Variants in KIF26B observed in about 807,000 individuals in gnomAD.
KIF26B encodes the protein kinesin-like protein KIF26B.
A neutral mutation model predicts 151.2 loss-of-function variants in KIF26B; 63 were observed. The observed-to-expected ratio is 0.42, with a 90% CI of 0.34 to 0.51. The LOEUF (loss-of-function observed/expected upper bound fraction) is 0.51, where lower values mean the gene tolerates loss of function less well. Ranked by LOEUF, KIF26B falls within the 20% of genes least tolerant of loss-of-function variation. KIF26B has a pLI of 0.07. For missense variants in KIF26B, 2,813 were observed against 2,913.6 expected (o/e 0.97, Z 0.79); for synonymous variants, 1,357 against 1,262.1 (o/e 1.08, Z -1.59).
At chr1:245,186,117 C>T (rs1466606145) in intron 2 of KIF26B, among the ~76,000 whole-genome samples, 11 of 152,168 alleles carry the variant, frequency 7.2e-5, no homozygotes, top group African/African-American at 2.4e-4. Flanking sequence ...TCGTGATCCA[C>T]CCACCTTGGT....
chr1:245,703,398 T>G lies in KIF26B; in HGVS notation c.*792T>G, dbSNP rs111651140. ...TCAGGTAGACCCAGAAGGTTGATTG[T>G]GGGGCAGGTGCTTTAGAGAACAGGT... On this transcript the variant is annotated 3_prime_UTR_variant, in exon 15 of 15. Coordinates refer to ENST00000407071, the MANE Select transcript of KIF26B (RefSeq NM_018012.4). The G allele has an allele frequency of 6.6e-6, 1 of 152,138 alleles. No homozygotes were observed. The highest frequency in any genetic ancestry group is 6.5e-5 in the Admixed American group (1 of 15,270). The allele number at this position is 152,138 out of a possible 1,614,324, so 9.4% of individuals were successfully genotyped here. A position where few individuals can be genotyped will look rare whatever the true frequency, so the allele number is the denominator to read the frequency against.
At chr1:245,672,376 C>G (rs556678197) in intron 10 of KIF26B, among the ~76,000 whole-genome samples, 1 of 152,188 alleles carries the variant, frequency 6.6e-6, no homozygotes, top group Non-Finnish European at 1.5e-5. Flanking sequence ...CAGGGACAGA[C>G]GTGCGCATGA....
chr1:245,195,641 G>A (rs1669177889), intron 2 of KIF26B, among the ~76,000 whole-genome samples: 1 of 152,196 alleles, frequency 6.6e-6, no homozygotes, highest in African/African-American at 2.4e-5. Flanking sequence ...TCAGGGCCGG[G>A]GGAAGGAGGC....
At chr1:245,476,439 TC>T (rs1418224391) in intron 4 of KIF26B, among the ~76,000 whole-genome samples, 1 of 151,806 alleles carries the variant, frequency 6.6e-6, no homozygotes, top group African/African-American at 2.4e-5. Context: ...AATTTTAAAA[TC>T]CAATGAAGGG....
At chr1:245,285,998 TAAA>T (rs34582895) in intron 2 of KIF26B, among the ~76,000 whole-genome samples, 3 of 110,772 alleles carry the variant, frequency 2.7e-5, no homozygotes, top group Non-Finnish European at 3.7e-5. Flanking sequence ...ACCCTCTCTC[TAAA>T]AAAAAAAAAA....
chr1:245,579,659 AAAC>A (rs1207742721), intron 5 of KIF26B, among the ~76,000 whole-genome samples: 4 of 31,280 alleles, frequency 1.3e-4, no homozygotes, highest in East Asian at 1.3e-3. Context: ...AAAATACAAA[AAAC>A]AAACAAACAA....
intron 10 of KIF26B, among the ~76,000 whole-genome samples, chr1:245,655,318 G>C (rs1480103746): frequency 6.6e-6 from 1 of 152,208 alleles, no homozygotes; most frequent in East Asian, 1.9e-4. Flanking sequence ...AAGGCAGAAA[G>C]GTCACTGTTT....
At chr1:245,680,524 G>A (rs747110591) in intron 10 of KIF26B, among the ~76,000 whole-genome samples, 1 of 152,136 alleles carries the variant, frequency 6.6e-6, no homozygotes, top group South Asian at 2.1e-4. Flanking sequence ...GGGGAGTCGC[G>A]GAAATACACA....
chr1:245,366,125 A>C (rs538055555), intron 2 of KIF26B, among the ~76,000 whole-genome samples: 10 of 152,320 alleles, frequency 6.6e-5, no homozygotes, highest in Non-Finnish European at 1.3e-4. Flanking sequence ...ACCTCAGTGC[A>C]GTGGTCCAGA....
At chr1:245,205,271 T>A (rs1669379372) in intron 2 of KIF26B, among the ~76,000 whole-genome samples, 1 of 152,174 alleles carries the variant, frequency 6.6e-6, no homozygotes, top group African/African-American at 2.4e-5. Flanking sequence ...AGTGTATTGT[T>A]TTTGTAAATG....
At chr1:245,280,902 A>AT in intron 2 of KIF26B, among the ~76,000 whole-genome samples, 1 of 68,204 alleles carries the variant, frequency 1.5e-5, no homozygotes, top group South Asian at 5.8e-4. Context: ...ATGATTTCCA[A>AT]TTTCATCCAT....
chr1:245,427,290 C>T (rs1321446851), intron 4 of KIF26B, among the ~76,000 whole-genome samples: 3 of 152,128 alleles, frequency 2.0e-5, no homozygotes, highest in Admixed American at 2.0e-4. Context: ...GCACTGTTTC[C>T]ATTATGATAG....
At chr1:245,684,768 C>T (rs1005995032) in intron 11 of KIF26B, among the ~76,000 whole-genome samples, 5 of 152,220 alleles carry the variant, frequency 3.3e-5, no homozygotes, top group Admixed American at 6.5e-5. Flanking sequence ...CTGTGTCCTT[C>T]GAAGGCTTGG....
intron 4 of KIF26B, among the ~76,000 whole-genome samples, chr1:245,470,672 T>C (rs935328808): frequency 9.9e-5 from 15 of 151,916 alleles, no homozygotes; most frequent in Non-Finnish European, 1.8e-4. Context: ...CCTTGTGATC[T>C]GCCCGCCTCG....
intron 5 of KIF26B, among the ~76,000 whole-genome samples, chr1:245,578,758 G>A (rs373212589): frequency 2.0e-5 from 3 of 152,286 alleles, no homozygotes; most frequent in South Asian, 2.1e-4. Context: ...TCTATAGCTC[G>A]TAAGGTCCAC....
At chr1:245,605,296 A>C (rs1397710388) in intron 6 of KIF26B, among the ~76,000 whole-genome samples, 2 of 152,218 alleles carry the variant, frequency 1.3e-5, no homozygotes, top group Non-Finnish European at 2.9e-5. Context: ...GCTGCTGGCC[A>C]GGGCAAACTC....
rs190007325 is a variant in KIF26B, at chr1:245,574,641, C to T, written c.1351-27936C>T. 1.9e-4 allele frequency among the ~76,000 whole-genome samples: 29 copies of T among 152,182 alleles called. 1 individual carries two copies. The East Asian group carries it at 3.9e-3, about 20-fold the overall frequency. On this transcript the variant is annotated intron_variant, in intron 5 of 14. Transcript: ENST00000407071. The stretch of plus-strand genomic sequence containing the variant: ...CTGCCCCTCAAGTCCATGGCAGGGC[C>T]GTTGACTGCTGCTCTTGCCTGAGTC...
intron 2 of KIF26B, among the ~76,000 whole-genome samples, chr1:245,243,027 A>C (rs535523217): frequency 6.6e-6 from 1 of 152,230 alleles, no homozygotes; most frequent in South Asian, 2.1e-4. Flanking sequence ...TGCTGTGTGC[A>C]TTCTTGCATA....
intron 5 of KIF26B, among the ~76,000 whole-genome samples, chr1:245,594,796 A>G (rs535284802): frequency 2.0e-5 from 3 of 152,326 alleles, no homozygotes; most frequent in Middle Eastern, 3.4e-3. Flanking sequence ...CTTCCTTTCC[A>G]TAAGCATAGA....
Sources: gnomAD v4.1 joint callset for allele counts (sites outside exome capture counted in the v4.1 genomes callset) on GRCh38, gnomAD v4.1.1 for gene constraint, MANE v1.5 for transcripts, NCBI Gene and HGNC (gene_info 2026-07-23, HGNC 2026-07-21) for gene names.